Variants in SPRY3 observed in about 807,000 individuals in gnomAD.
The protein encoded by SPRY3 is protein sprouty homolog 3.
Under a neutral mutation model 20.2 loss-of-function variants are expected in SPRY3, and 15 were observed. The ratio of observed to expected loss-of-function variants is 0.74; its 90% confidence interval spans 0.50 to 1.14. The LOEUF is 1.14. SPRY3 is among the 50% of genes most tolerant of loss of function. The pLI, the probability that SPRY3 is intolerant of heterozygous loss-of-function variation, is 0.00. For synonymous variants in SPRY3, 143 were observed against 136.5 expected, an observed-to-expected ratio of 1.05 and a Z score of -0.33; for missense variants, 364 against 363.9, an observed-to-expected ratio of 1.00 and a Z score of 0.00.
intron 2 of SPRY3, among the ~76,000 whole-genome samples, chrX:155,738,445 G>A (rs1321286448): frequency 6.6e-6 from 1 of 152,286 alleles, no homozygotes; most frequent in East Asian, 1.9e-4. Context: ...TGGTCGATTA[G>A]AAGCAGCTTC....
intron 2 of SPRY3, among the ~76,000 whole-genome samples, chrX:155,688,191 C>T (rs1490876894): frequency 3.6e-5 from 4 of 110,116 alleles, no homozygotes; most frequent in Admixed American, 9.7e-5. Context: ...CCACTCCATT[C>T]GTGTCCCCGA....
intron 1 of SPRY3, among the ~76,000 whole-genome samples, chrX:155,641,278 A>G (rs782679036): frequency 8.9e-6 from 1 of 112,193 alleles, no homozygotes; most frequent in East Asian, 2.8e-4. Context: ...CCACTTGGTC[A>G]TGATAAATTA....
intron 2 of SPRY3, among the ~76,000 whole-genome samples, chrX:155,753,762 G>T (rs954925699): frequency 1.1e-4 from 17 of 151,894 alleles, no homozygotes; most frequent in African/African-American, 2.4e-5. Flanking sequence ...ACGTGTGATT[G>T]TCTGTTGTTT....
chrX:155,711,795 G>C (rs1247133631), intron 2 of SPRY3, among the ~76,000 whole-genome samples: 1 of 150,488 alleles, frequency 6.6e-6, no homozygotes, highest in Non-Finnish European at 1.5e-5. Context: ...GCATCTTTAG[G>C]TTGTTTTTTT....
At chrX:155,714,061 C>A (rs1364207874) in intron 2 of SPRY3, among the ~76,000 whole-genome samples, 1 of 151,956 alleles carries the variant, frequency 6.6e-6, no homozygotes, top group Non-Finnish European at 1.5e-5. Context: ...GTTTTTAAAT[C>A]TTTGTGTTAA....
chrX:155,659,393 C>T (rs1603124862), intron 2 of SPRY3, among the ~76,000 whole-genome samples: 2 of 110,409 alleles, frequency 1.8e-5, no homozygotes, highest in Middle Eastern at 4.7e-3. Flanking sequence ...GATCCGCCCG[C>T]CTTGGCCTCC....
At chrX:155,762,398 G>A (rs766869449) in intron 2 of SPRY3, among the ~76,000 whole-genome samples, 21 of 152,244 alleles carry the variant, frequency 1.4e-4, no homozygotes, top group African/African-American at 4.8e-4. Context: ...TGTCATGAGA[G>A]TTCAGAGGTA....
chrX:155,620,492 A>G (rs1427810901), intron 1 of SPRY3, among the ~76,000 whole-genome samples: 2 of 111,846 alleles, frequency 1.8e-5, no homozygotes, highest in African/African-American at 6.5e-5. Context: ...ATGGAATACT[A>G]CTCACCCATA....
intron 2 of SPRY3, among the ~76,000 whole-genome samples, chrX:155,675,272 G>A (rs1025905798): frequency 9.0e-6 from 1 of 111,232 alleles, no homozygotes; most frequent in Non-Finnish European, 1.9e-5. Flanking sequence ...ACTGTAGCTT[G>A]CCAATAAGTA....
chrX:155,725,415 C>T (rs2091090545), intron 2 of SPRY3, among the ~76,000 whole-genome samples: 1 of 152,148 alleles, frequency 6.6e-6, no homozygotes, highest in Non-Finnish European at 1.5e-5. Context: ...CTTTGTACCT[C>T]TGGTAGAATT....
chrX:155,722,380 G>T (rs2091065282), intron 2 of SPRY3, among the ~76,000 whole-genome samples: 1 of 152,070 alleles, frequency 6.6e-6, no homozygotes, highest in Admixed American at 6.6e-5. Context: ...ACTTAACTGG[G>T]TGTGGTGGCA....
At chrX:155,728,264 C>T (rs2091112544) in intron 2 of SPRY3, among the ~76,000 whole-genome samples, 1 of 152,196 alleles carries the variant, frequency 6.6e-6, no homozygotes, top group Admixed American at 6.5e-5. Flanking sequence ...TTAGGCTACA[C>T]AGGTGTCAGG....
At chrX:155,718,751 T>A (rs1389085130) in intron 2 of SPRY3, among the ~76,000 whole-genome samples, 20 of 152,090 alleles carry the variant, frequency 1.3e-4, no homozygotes, top group Admixed American at 1.3e-3. Flanking sequence ...AATATTTAAA[T>A]GTAAAGTATA....
At chrX:155,714,431 G>A (rs1291873799) in intron 2 of SPRY3, among the ~76,000 whole-genome samples, 1 of 152,264 alleles carries the variant, frequency 6.6e-6, no homozygotes, top group Admixed American at 6.5e-5. Flanking sequence ...AGGTACCACC[G>A]TGGTGGTCTT....
At chrX:155,758,765 G>C (rs527381232) in intron 2 of SPRY3, among the ~76,000 whole-genome samples, 1 of 152,082 alleles carries the variant, frequency 6.6e-6, no homozygotes, top group African/African-American at 2.4e-5. Context: ...AATTGATTGG[G>C]TTTATGGATG....
At chrX:155,727,618 G>A (rs959848202) in intron 2 of SPRY3, among the ~76,000 whole-genome samples, 5 of 151,898 alleles carry the variant, frequency 3.3e-5, no homozygotes, top group African/African-American at 7.3e-5. Flanking sequence ...CATTCCTCAC[G>A]AAGTTCTCGT....
At chrX:155,631,272 A>C (rs782497520) in intron 1 of SPRY3, among the ~76,000 whole-genome samples, 1 of 112,525 alleles carries the variant, frequency 8.9e-6, no homozygotes, top group Admixed American at 9.4e-5. Flanking sequence ...CAAAGGACAT[A>C]ATTTCATTCT....
At chrX:155,780,915 G>A (rs1328360688), downstream of SPRY3, 5 of 166,922 alleles carry the variant, frequency 3.0e-5, no homozygotes, top group South Asian at 6.2e-4. Context: ...TCTATAATCA[G>A]TGTGTTTCTC....
chrX:155,778,946 A>T (rs1007939797), downstream of SPRY3: 1 of 167,036 alleles, frequency 6.0e-6, no homozygotes, highest in Admixed American at 6.5e-5. Flanking sequence ...ATGAGTAAGG[A>T]AAGGGTTAAT....
Sources: allele counts gnomAD v4.1 joint callset (sites outside exome capture counted in the v4.1 genomes callset), GRCh38; gene constraint gnomAD v4.1.1; transcripts MANE v1.5; gene names NCBI Gene and HGNC (gene_info 2026-07-23, HGNC 2026-07-21).